Variants in ABCA13 observed in about 807,000 individuals in gnomAD.
ABCA13 encodes the protein ATP-binding cassette sub-family A member 13.
Under a neutral mutation model 478.7 loss-of-function variants are expected in ABCA13, and 476 were observed. That is an observed-to-expected ratio of 0.99 (90% CI 0.92 to 1.07). The LOEUF (loss-of-function observed/expected upper bound fraction) is 1.07. Ranked by LOEUF, ABCA13 falls within the 50% of genes least tolerant of loss-of-function variation. The pLI is 0.00. For missense variants in ABCA13, 6,060 were observed against 5,910.6 expected (o/e 1.03, Z -0.83); for synonymous variants, 2,252 against 2,158.9 (o/e 1.04, Z -1.20).
intron 7 of ABCA13, among the ~76,000 whole-genome samples, chr7:48,231,838 T>G (rs942328786): frequency 2.1e-4 from 32 of 152,180 alleles, no homozygotes; most frequent in African/African-American, 7.2e-4. Flanking sequence ...ATTTTTGTAT[T>G]TTTAGTAGAG....
intron 16 of ABCA13, 41 bp downstream of exon 16, chr7:48,269,135 A>T: frequency 8.7e-7 from 1 of 1,143,962 alleles, no homozygotes; most frequent in Non-Finnish European, 1.3e-6. Flanking sequence ...TGATTTAATT[A>T]TCATCTGAAG....
chr7:48,430,368 G>C (rs966902470), intron 42 of ABCA13, among the ~76,000 whole-genome samples: 1 of 151,942 alleles, frequency 6.6e-6, no homozygotes, highest in African/African-American at 2.4e-5. Flanking sequence ...AATTCCTTTT[G>C]TTTTTTAAAA....
At chr7:48,449,825 G>A (rs982988375) in intron 42 of ABCA13, among the ~76,000 whole-genome samples, 1 of 152,166 alleles carries the variant, frequency 6.6e-6, no homozygotes, top group Admixed American at 6.5e-5. Context: ...AACCAGCTTA[G>A]CATATTTCTG....
intron 55 of ABCA13, among the ~76,000 whole-genome samples, chr7:48,566,958 G>A (rs1275046191): frequency 1.3e-5 from 2 of 152,146 alleles, no homozygotes; most frequent in Admixed American, 6.6e-5. Flanking sequence ...TATAGTGATA[G>A]ACACATCACT....
At chr7:48,592,118 A>G (rs1017291017) in intron 57 of ABCA13, among the ~76,000 whole-genome samples, 1 of 151,426 alleles carries the variant, frequency 6.6e-6, no homozygotes, top group Non-Finnish European at 1.5e-5. Flanking sequence ...ATTCTTTTCT[A>G]TTTCTGCTAA....
chr7:48,389,485 T>C (rs1815716238), intron 37 of ABCA13, among the ~76,000 whole-genome samples: 2 of 152,192 alleles, frequency 1.3e-5, no homozygotes, highest in East Asian at 3.9e-4. Flanking sequence ...GCTTAATTCT[T>C]GTATTTTCTA....
intron 19 of ABCA13, 100 bp from the exon 20 acceptor site, chr7:48,287,860 A>G: frequency 2.3e-6 from 2 of 860,336 alleles, no homozygotes; most frequent in Non-Finnish European, 3.8e-6. Context: ...ATGTTTAGGA[A>G]TTTGTATCAC....
chr7:48,449,085 C>T (rs901060024), intron 42 of ABCA13, among the ~76,000 whole-genome samples: 1 of 152,126 alleles, frequency 6.6e-6, no homozygotes, highest in East Asian at 1.9e-4. Context: ...TCCAGTGATT[C>T]GCCCACCTTG....
At chr7:48,563,092 C>T (rs1012700072) in intron 55 of ABCA13, among the ~76,000 whole-genome samples, 1 of 152,054 alleles carries the variant, frequency 6.6e-6, no homozygotes, top group Non-Finnish European at 1.5e-5. Context: ...ATATGCAATG[C>T]ATGGCCATGG....
intron 1 of ABCA13, among the ~76,000 whole-genome samples, chr7:48,177,353 T>C (rs1181664128): frequency 6.6e-6 from 1 of 152,224 alleles, no homozygotes; most frequent in Non-Finnish European, 1.5e-5. Flanking sequence ...CTTGAACTGC[T>C]CCTATGGCTA....
At chr7:48,508,974 A>G (rs1296312197) in intron 50 of ABCA13, among the ~76,000 whole-genome samples, 1 of 152,192 alleles carries the variant, frequency 6.6e-6, no homozygotes, top group Non-Finnish European at 1.5e-5. Context: ...TAAGTTACCT[A>G]ACATTTCAGG....
chr7:48,588,039 C>G (rs1455670328), intron 57 of ABCA13, among the ~76,000 whole-genome samples: 4 of 152,154 alleles, frequency 2.6e-5, no homozygotes, highest in Non-Finnish European at 5.9e-5. Context: ...GTGTGGAAAA[C>G]AAAACAGATT....
intron 3 of ABCA13, among the ~76,000 whole-genome samples, chr7:48,214,895 C>A (rs143136982): frequency 6.6e-6 from 1 of 152,134 alleles, no homozygotes; most frequent in Non-Finnish European, 1.5e-5. Flanking sequence ...CTTTAAGAAC[C>A]TTTTCTTTGC....
intron 60 of ABCA13, among the ~76,000 whole-genome samples, chr7:48,643,897 C>A (rs1274552918): frequency 6.6e-6 from 1 of 152,070 alleles, no homozygotes; most frequent in Non-Finnish European, 1.5e-5. Context: ...CAGGCCCCAA[C>A]CTATTGAATG....
chr7:48,561,484 A>G (rs1444074645), intron 55 of ABCA13, among the ~76,000 whole-genome samples: 2 of 152,118 alleles, frequency 1.3e-5, no homozygotes, highest in Non-Finnish European at 2.9e-5. Flanking sequence ...CATCTCCCTA[A>G]TGATTAGAAA....
At position 48,637,381 on chromosome 7, in the gene ABCA13, C is replaced by CAAAAAAAAAA. The variant is rs1156643955; in HGVS notation, c.14838-5891_14838-5882dup. On this transcript the variant is annotated intron_variant, in intron 59 of 61. Transcript: ENST00000435803. Reference sequence around the variant, plus strand: ...TGTTTTCTTTATTATGTTCATAAAGCAAAAAAAAAAAAAAAAAAAAAAAAA... The same window carrying CAAAAAAAAAA: ...TGTTTTCTTTATTATGTTCATAAAGCAAAAAAAAAAAAAAAAAAAAAAAAAAAAAAAAAAA... 1.2e-3 allele frequency among the ~76,000 whole-genome samples: 25 copies of CAAAAAAAAAA among 20,256 alleles called. 3 individuals carry two copies. The highest frequency in any genetic ancestry group is 3.5e-3 in the African/African-American group (17 of 4,916). The allele number at this position is 20,256 out of a possible 152,430, so 13.3% of individuals were successfully genotyped here. A position where few individuals can be genotyped will look rare whatever the true frequency, so the allele number is the denominator to read the frequency against.
At position 48,273,325 on chromosome 7, in the gene ABCA13, A is replaced by G. The variant is rs777754772; in HGVS notation, c.3659A>G (p.Asn1220Ser). The change falls in exon 17 of 62, where the codon AAT (asparagine) becomes AGT (serine). Residue 1220 changes from asparagine to serine, a missense_variant. Asn to Ser is a conservative substitution (Grantham distance 46). Coordinates refer to ENST00000435803, the MANE Select transcript of ABCA13 (RefSeq NM_152701.5). ...LNLFKNVTQA[N>S]DFHNWEDFLD... ...TTGTTTAAAAATGTAACTCAAGCCA[A>G]TGACTTCCATAATTGGGAGGACTTC... 4 of 1,613,698 alleles carry G rather than the reference A, an allele frequency of 2.5e-6. No homozygotes were observed. Among genetic ancestry groups the G allele is most frequent in the South Asian group, 1.1e-5 (1 of 91,068 alleles).
At chr7:48,313,975 GTGTGTGTA>G (rs542813362) in intron 25 of ABCA13, among the ~76,000 whole-genome samples, 342 of 128,134 alleles carry the variant, frequency 2.7e-3, no homozygotes, top group East Asian at 0.012. Context: ...ACTTATGTGT[GTGTGTGTA>G]TGTGTGTGTG....
chr7:48,265,438 T>C (rs2128732465), intron 15 of ABCA13, among the ~76,000 whole-genome samples: 1 of 151,674 alleles, frequency 6.6e-6, no homozygotes, highest in African/African-American at 2.4e-5. Flanking sequence ...ATTTATTTTG[T>C]CTTCTTTGTT....
Sources: gnomAD v4.1 joint callset for allele counts (sites outside exome capture counted in the v4.1 genomes callset) on GRCh38, gnomAD v4.1.1 for gene constraint, MANE v1.5 for transcripts, NCBI Gene and HGNC (gene_info 2026-07-23, HGNC 2026-07-21) for gene names.